SGPP2: variants seen among roughly 807,000 people sequenced by gnomAD.
SGPP2 encodes the protein sphingosine-1-phosphate phosphatase 2, also known as sphingosine 1-phosphate phosphohydrolase 2.
A neutral mutation model predicts 33.9 loss-of-function variants in SGPP2; 30 were observed. The observed-to-expected ratio is 0.89, with a 90% confidence interval of 0.66 to 1.20. SGPP2 has a LOEUF of 1.20. Ranked by LOEUF, SGPP2 falls within the 50% of genes most tolerant of loss-of-function variation. The pLI, the probability that SGPP2 is intolerant of heterozygous loss-of-function variation, is 0.00. For missense variants in SGPP2, 458 were observed against 532.1 expected (o/e 0.86, Z 1.37); for synonymous variants, 233 against 225.0 (o/e 1.04, Z -0.32).
chr2:222,494,446 G>A (rs568085222), intron 2 of SGPP2, among the ~76,000 whole-genome samples: 53 of 152,364 alleles, frequency 3.5e-4, no homozygotes, highest in African/African-American at 1.2e-3. Context: ...AGAGAAATGG[G>A]TAATGAGACT....
chr2:222,540,858 C>T (rs1443568838), intron 4 of SGPP2, among the ~76,000 whole-genome samples: 5 of 121,598 alleles, frequency 4.1e-5, no homozygotes, highest in African/African-American at 1.3e-4. Context: ...CTTGCTGTGT[C>T]GCCCAGGCTG....
In SGPP2 at chr2:222,474,643, G is replaced by T; in HGVS notation, c.295G>T (p.Glu99Ter). The part of the protein sequence containing the change: ...LFQFSAALGQ[E>*]VFYITFLPFT... ...CCAATTTTCAGCTGCTTTGGGCCAA[G>T]AAGTGTTCTACATCACGTTTCTTCC... is the stretch of plus-strand genomic sequence containing the variant. Residue 99 changes from glutamate to a stop codon, truncating the protein, a stop_gained, in exon 2 of 5, where the codon GAA (glutamate) becomes TAA (stop). Transcript: ENST00000321276. LOFTEE classifies it high-confidence loss of function. 6.2e-7 allele frequency: 1 copy of T among 1,613,932 alleles called. No homozygotes were observed. Among genetic ancestry groups the T allele is most frequent in the Non-Finnish European group, 8.5e-7 (1 of 1,179,920 alleles).
chr2:222,489,591 CT>C, intron 2 of SGPP2, among the ~76,000 whole-genome samples: 1 of 151,948 alleles, frequency 6.6e-6, no homozygotes, highest in African/African-American at 2.4e-5. Flanking sequence ...AAAATCAAGT[CT>C]TCTAATCTAC....
In SGPP2 at chr2:222,460,213, T is replaced by TA. The variant is rs564067793; in HGVS notation, c.220-14352dup. ...TGTTTTTGTTCCTGTGGTTTCTTGC[T>TA]AAATAACTGTATCATCAGATCCCAC... On this transcript the variant is annotated intron_variant, in intron 1 of 4. Transcript: ENST00000321276. The surrounding 1 kb of genome is among the most constrained non-coding windows in gnomAD (Gnocchi z 4.3). 1.9e-4 allele frequency among the ~76,000 whole-genome samples: 29 copies of TA among 152,336 alleles called. No individual in the cohort carries two copies. The East Asian group carries it at 5.2e-3, about 27-fold the overall frequency.
At chr2:222,433,861 T>C (rs1461317473) in intron 1 of SGPP2, among the ~76,000 whole-genome samples, 1 of 152,238 alleles carries the variant, frequency 6.6e-6, no homozygotes, top group Non-Finnish European at 1.5e-5. Context: ...TAAAAATGTA[T>C]TTCAATTACT....
At chr2:222,518,893 G>A (rs973674266) in intron 2 of SGPP2, among the ~76,000 whole-genome samples, 2 of 152,148 alleles carry the variant, frequency 1.3e-5, no homozygotes, top group African/African-American at 2.4e-5. Context: ...CCTTCTCAGG[G>A]GGTTACTGGG....
intron 2 of SGPP2, among the ~76,000 whole-genome samples, chr2:222,495,984 C>T (rs1698273687): frequency 6.6e-6 from 1 of 152,186 alleles, no homozygotes; most frequent in Admixed American, 6.5e-5. Flanking sequence ...GAGCCTTGTT[C>T]ATTCTTCCCT....
At chr2:222,542,490 G>A (rs1282075182) in intron 4 of SGPP2, among the ~76,000 whole-genome samples, 1 of 152,156 alleles carries the variant, frequency 6.6e-6, no homozygotes, top group African/African-American at 2.4e-5. Flanking sequence ...ATGTTCCATT[G>A]TTTTCCAAAG....
intron 1 of SGPP2, among the ~76,000 whole-genome samples, chr2:222,434,610 T>G (rs748686192): frequency 1.3e-5 from 2 of 152,222 alleles, no homozygotes; most frequent in Non-Finnish European, 2.9e-5. Context: ...CATTGTTACT[T>G]TGTTTATTTG....
intron 2 of SGPP2, among the ~76,000 whole-genome samples, chr2:222,514,040 A>T (rs1201494169): frequency 6.6e-6 from 1 of 152,220 alleles, no homozygotes; most frequent in Non-Finnish European, 1.5e-5. Flanking sequence ...ATATATTGTA[A>T]TATTCCTTTT....
At chr2:222,450,732 C>G (rs114053819) in intron 1 of SGPP2, among the ~76,000 whole-genome samples, 4,298 of 152,282 alleles carry the variant, frequency 0.028, 78 homozygotes, top group South Asian at 0.075. Context: ...TTCCCTCCCA[C>G]TCCCAGACCA....
At chr2:222,543,851 C>T (rs546903457) in intron 4 of SGPP2, among the ~76,000 whole-genome samples, 40 of 152,266 alleles carry the variant, frequency 2.6e-4, no homozygotes, top group African/African-American at 7.2e-4. Flanking sequence ...ATTTTCGAAT[C>T]GGCTTTTCAT....
At chr2:222,496,683 G>A (rs571177454) in intron 2 of SGPP2, among the ~76,000 whole-genome samples, 12 of 151,952 alleles carry the variant, frequency 7.9e-5, no homozygotes, top group Non-Finnish European at 1.8e-4. Context: ...AGACCCCCCC[G>A]CCATGCCCTA....
In SGPP2 at chr2:222,426,635, A is replaced by T. The variant is rs146066439; in HGVS notation, c.219+1814A>T. Among the ~76,000 whole-genome samples, 161 of 152,348 alleles carry T rather than the reference A, an allele frequency of 1.1e-3. 1 individual carries two copies. The highest frequency in any genetic ancestry group is 3.8e-3 in the African/African-American group (156 of 41,568). On this transcript the variant is annotated intron_variant, in intron 1 of 4. Coordinates refer to ENST00000321276, the MANE Select transcript of SGPP2 (RefSeq NM_152386.4). ...CAGGACTTCTGCTTACAGATCATGT[A>T]AAAGCAAGAAAGCTGAATGCCCAAG... is the stretch of plus-strand genomic sequence containing the variant.
intron 1 of SGPP2, among the ~76,000 whole-genome samples, chr2:222,453,296 T>C (rs1044320319): frequency 1.3e-5 from 2 of 152,180 alleles, no homozygotes; most frequent in African/African-American, 4.8e-5. Context: ...TTCACACTCA[T>C]GTTATTACTG....
chr2:222,522,826 G>A (rs1698706920), intron 3 of SGPP2, among the ~76,000 whole-genome samples: 2 of 152,118 alleles, frequency 1.3e-5, no homozygotes, highest in East Asian at 1.9e-4. Context: ...CCACAGCTAT[G>A]CACCACTACG....
intron 1 of SGPP2, among the ~76,000 whole-genome samples, chr2:222,425,545 G>C (rs1048431469): frequency 3.3e-5 from 5 of 152,152 alleles, no homozygotes; most frequent in African/African-American, 7.2e-5. Flanking sequence ...CTGCGGCTTG[G>C]GGGGAACCAG....
intron 2 of SGPP2, among the ~76,000 whole-genome samples, chr2:222,500,939 C>G (rs1698357687): frequency 6.6e-6 from 1 of 152,322 alleles, no homozygotes; most frequent in South Asian, 2.1e-4. Context: ...CAATATCAGC[C>G]TTTGGAGACA....
rs1418063295 is a variant in SGPP2 at position 222,550,624 on chromosome 2, T to C, written c.649-7723T>C. 2.0e-5 allele frequency among the ~76,000 whole-genome samples: 3 copies of C among 152,240 alleles called. No individual in the cohort carries two copies. Among genetic ancestry groups the C allele is most frequent in the Non-Finnish European group, 2.9e-5 (2 of 68,034 alleles). ...TAGAAAATGAGGTTGCAGAAATTTG[T>C]CTTTTCACATGGAAAATGTTCCTGC... On this transcript the variant is annotated intron_variant, in intron 4 of 4. Coordinates refer to ENST00000321276, the MANE Select transcript of SGPP2 (RefSeq NM_152386.4). This position sits in a 1 kb window ranked among gnomAD's most constrained non-coding sequence, Gnocchi z 4.5.
Sources: allele counts gnomAD v4.1 joint callset (sites outside exome capture counted in the v4.1 genomes callset), GRCh38; gene constraint gnomAD v4.1.1; non-coding constraint Gnocchi (gnomAD v3.1); transcripts MANE v1.5; gene names NCBI Gene and HGNC (gene_info 2026-07-23, HGNC 2026-07-21).